The following NAALADL2 variants were observed in gnomAD, a reference collection of about 807,000 sequenced individuals.
The protein encoded by NAALADL2 is inactive N-acetylated-alpha-linked acidic dipeptidase-like protein 2.
A neutral mutation model predicts 87.2 loss-of-function variants in NAALADL2; 76 were observed. The ratio of observed to expected loss-of-function variants is 0.87; its 90% confidence interval spans 0.72 to 1.05. NAALADL2 has a LOEUF of 1.05. Ranked by LOEUF, NAALADL2 falls within the 50% of genes least tolerant of loss-of-function variation. The pLI is 0.00. For synonymous variants in NAALADL2, 354 were observed against 331.0 expected (o/e 1.07, Z -0.75); for missense variants, 1,089 against 945.8 (o/e 1.15, Z -1.99).
intron 2 of NAALADL2, among the ~76,000 whole-genome samples, chr3:175,138,583 A>G (rs1370177049): frequency 6.6e-6 from 1 of 151,178 alleles, no homozygotes; most frequent in Non-Finnish European, 1.5e-5. Flanking sequence ...CTTACGAAAA[A>G]TGGCTTTGCT....
chr3:175,646,796 C>G (rs1223857175), intron 11 of NAALADL2, among the ~76,000 whole-genome samples: 1 of 152,026 alleles, frequency 6.6e-6, no homozygotes, highest in Non-Finnish European at 1.5e-5. Context: ...TCTGATCTAC[C>G]TTTCTTATAT....
intron 10 of NAALADL2, among the ~76,000 whole-genome samples, chr3:175,599,163 C>T (rs558003072): frequency 3.9e-5 from 6 of 152,104 alleles, no homozygotes; most frequent in African/African-American, 9.6e-5. Flanking sequence ...AATGAATTTA[C>T]GCTGGCATAT....
intron 9 of NAALADL2, among the ~76,000 whole-genome samples, chr3:175,566,442 T>A (rs1452386892): frequency 1.3e-5 from 2 of 152,206 alleles, no homozygotes; most frequent in Non-Finnish European, 2.9e-5. Context: ...CAGCACATTA[T>A]TTTTTAGGTA....
At chr3:174,814,351 C>T (rs1720554510) in intron 3 of NAALADL2, among the ~76,000 whole-genome samples, 2 of 152,066 alleles carry the variant, frequency 1.3e-5, no homozygotes, top group South Asian at 4.1e-4. Context: ...TCGTGATCCG[C>T]CCGCCTCAGC....
chr3:175,111,273 A>G (rs759003761), intron 2 of NAALADL2, among the ~76,000 whole-genome samples: 2 of 151,788 alleles, frequency 1.3e-5, no homozygotes, highest in Non-Finnish European at 2.9e-5. Context: ...AACACTTAGC[A>G]GAAAATCAAA....
rs61284771 is a variant in NAALADL2, at chr3:175,501,424, G to GACACACACACACACACACACACACACAC, written c.1653+29685_1653+29686insCACACACACACACACACACACACACACA. On this transcript the variant is annotated intron_variant, in intron 9 of 13. Transcript: ENST00000454872. ...GGGAACATCTTTTCCATACGTTTTA[G>GACACACACACACACACACACACACACAC]ACACACACACACACACACAAAGGCA... Among the ~76,000 whole-genome samples, 584 of 148,902 alleles carry GACACACACACACACACACACACACACAC rather than the reference G, an allele frequency of 3.9e-3. 5 individuals carry two copies. Among genetic ancestry groups the GACACACACACACACACACACACACACAC allele is most frequent in the East Asian group, 0.013 (62 of 4,934 alleles).
intron 5 of NAALADL2, among the ~76,000 whole-genome samples, chr3:175,416,112 A>G (rs1001340125): frequency 6.6e-6 from 1 of 152,002 alleles, no homozygotes; most frequent in Non-Finnish European, 1.5e-5. Flanking sequence ...ACAGAGCAAG[A>G]CCTCATCTTA....
chr3:175,563,811 CCTT>C (rs899046426), intron 9 of NAALADL2, among the ~76,000 whole-genome samples: 32 of 152,132 alleles, frequency 2.1e-4, no homozygotes. Context: ...GAAATCTAAA[CCTT>C]CAAGGATTAG....
At chr3:175,638,161 CA>C (rs141416947) in intron 11 of NAALADL2, among the ~76,000 whole-genome samples, 2,518 of 152,248 alleles carry the variant, frequency 0.017, 76 homozygotes, top group African/African-American at 0.057. Context: ...TATCTAAATT[CA>C]ATACATAAAC....
In NAALADL2 at chr3:175,698,329, ATGTGTATATATGTATGTGTATTTATG is replaced by A. The variant is rs1738319030; in HGVS notation, c.1897-38975_1897-38950del. On this transcript the variant is annotated intron_variant, in intron 11 of 13. Coordinates refer to ENST00000454872, the MANE Select transcript of NAALADL2 (RefSeq NM_207015.3). ...TGTATATATGTATGTGTATTTATGT[ATGTGTATATATGTATGTGTATTTATG>A]TATGTGTATATATGTATGTGTATTT... is the stretch of plus-strand genomic sequence containing the variant. Among the ~76,000 whole-genome samples, 13 of 111,290 alleles carry A rather than the reference ATGTGTATATATGTATGTGTATTTATG, an allele frequency of 1.2e-4. 1 individual carries two copies. The South Asian group carries it at 2.6e-3, about 23-fold the overall frequency. 73.0% of individuals were successfully genotyped at this position (111,290 alleles called of 152,430 possible).
intron 9 of NAALADL2, among the ~76,000 whole-genome samples, chr3:175,530,626 T>C (rs77623531): frequency 0.014 from 2,064 of 152,222 alleles, 51 homozygotes; most frequent in African/African-American, 0.047. Context: ...CAACCAATCA[T>C]AGGCCACTCC....
At chr3:174,921,530 G>A (rs1391715357) in intron 1 of NAALADL2, among the ~76,000 whole-genome samples, 2 of 151,878 alleles carry the variant, frequency 1.3e-5, no homozygotes, top group Admixed American at 6.6e-5. Flanking sequence ...GGCCTGGCGC[G>A]GTGGCTCACA....
intron 1 of NAALADL2, among the ~76,000 whole-genome samples, chr3:175,088,148 G>A (rs1170874430): frequency 1.3e-5 from 2 of 152,072 alleles, no homozygotes; most frequent in Non-Finnish European, 2.9e-5. Flanking sequence ...TCGTATAATG[G>A]TAGTATTTTG....
At chr3:175,207,190 A>C (rs1471860630) in intron 2 of NAALADL2, among the ~76,000 whole-genome samples, 1 of 152,158 alleles carries the variant, frequency 6.6e-6, no homozygotes, top group Non-Finnish European at 1.5e-5. Context: ...TAGCTGACCA[A>C]GTCAATTGTT....
chr3:175,606,531 A>G (rs1265729518), intron 10 of NAALADL2, among the ~76,000 whole-genome samples: 1 of 152,188 alleles, frequency 6.6e-6, no homozygotes, highest in Non-Finnish European at 1.5e-5. Flanking sequence ...CCTAAAATAT[A>G]CATAATATTT....
intron 1 of NAALADL2, among the ~76,000 whole-genome samples, chr3:174,868,405 C>A (rs570325675): frequency 1.3e-5 from 2 of 152,170 alleles, no homozygotes; most frequent in South Asian, 4.1e-4. Context: ...AAATTAAAAA[C>A]ATAAATATGC....
chr3:174,503,892 G>A (rs1719050373), intron 1 of NAALADL2, among the ~76,000 whole-genome samples: 1 of 151,922 alleles, frequency 6.6e-6, no homozygotes, highest in Non-Finnish European at 1.5e-5. Context: ...AAAATTCACA[G>A]ATTAATAGAG....
intron 13 of NAALADL2, among the ~76,000 whole-genome samples, chr3:175,793,624 A>AT (rs1459045504): frequency 7.2e-5 from 11 of 152,120 alleles, no homozygotes; most frequent in African/African-American, 2.7e-4. Context: ...CCAAAGCAGC[A>AT]TTTTCTAACC....
At chr3:174,749,270 AT>A (rs1734586039) in intron 3 of NAALADL2, among the ~76,000 whole-genome samples, 1 of 152,046 alleles carries the variant, frequency 6.6e-6, no homozygotes, top group Admixed American at 6.6e-5. Flanking sequence ...AATCATTCTC[AT>A]TTTCATCATT....
Sources: allele counts gnomAD v4.1 joint callset (sites outside exome capture counted in the v4.1 genomes callset), GRCh38; gene constraint gnomAD v4.1.1; transcripts MANE v1.5; gene names NCBI Gene and HGNC (gene_info 2026-07-23, HGNC 2026-07-21).